The following FLNA variants were observed in gnomAD, a reference collection of about 807,000 sequenced individuals.
The protein encoded by FLNA is filamin-A.
A neutral mutation model predicts 157.6 loss-of-function variants in FLNA; 7 were observed. The ratio of observed to expected loss-of-function variants is 0.04; its 90% confidence interval spans 0.03 to 0.08. The LOEUF (loss-of-function observed/expected upper bound fraction) is 0.08, where lower values mean the gene tolerates loss of function less well. FLNA is among the 10% of genes least tolerant of loss of function. The pLI is 1.00. For missense variants in FLNA, 1,750 were observed against 2,398.4 expected, an observed-to-expected ratio of 0.73 and a Z score of 5.65; for synonymous variants, 1,103 against 1,060.8, an observed-to-expected ratio of 1.04 and a Z score of -0.77.
intron 1 of FLNA, 35 bp from the exon 2 acceptor site, chrX:154,371,396 A>C: frequency 8.0e-6 from 4 of 499,416 alleles, no homozygotes; most frequent in Non-Finnish European, 1.1e-5. Context: ...ATGCGGGAGG[A>C]GGGCGGGGCC....
At chrX:154,367,003 G>C (rs1345429733) in intron 5 of FLNA, among the ~76,000 whole-genome samples, 153 bp from the exon 6 acceptor site, 1 of 112,120 alleles carries the variant, frequency 8.9e-6, no homozygotes, top group Non-Finnish European at 1.9e-5. Context: ...GCCTGGCCTC[G>C]GGACCCAGCT....
rs1485434803 is a variant in FLNA at position 154,353,019 on chromosome X, T to C, written c.6208A>G (p.Ile2070Val). ...GHTFEPAEFI[I>V]DTRDAGYGGL... ...TGCCTACCTGCATCGCGGGTATCAATGATAAACTCTGCAGGCTCAAAGGTG... is the reference window on the plus strand; with the variant it reads ...TGCCTACCTGCATCGCGGGTATCAACGATAAACTCTGCAGGCTCAAAGGTG... Residue 2070 changes from isoleucine (I) to valine (V), a missense_variant, in exon 38 of 48, where the codon ATT (isoleucine) becomes GTT (valine). Ile to Val is a conservative substitution (Grantham distance 29, BLOSUM62 3). Transcript: ENST00000369850. The C allele has an allele frequency of 8.3e-6, 10 of 1,210,029 alleles. No homozygotes were observed. The highest frequency in any genetic ancestry group is 1.0e-5 in the Non-Finnish European group (9 of 895,120).
At position 154,365,181 on chromosome X, in the gene FLNA, G is replaced by A; in HGVS notation, c.1646C>T (p.Thr549Ile). 4.1e-6 allele frequency: 5 copies of A among 1,211,558 alleles called. No individual in the cohort carries two copies. Among genetic ancestry groups the A allele is most frequent in the Non-Finnish European group, 5.6e-6 (5 of 895,276 alleles). Residue 549 changes from threonine to isoleucine, a missense_variant, in exon 11 of 48, where the codon ACC (threonine) becomes ATC (isoleucine). Physicochemically the swap from Thr to Ile is moderately conservative, Grantham distance 89. This residue lies in a region of FLNA where 648 missense variants were observed against 805.8 expected (regional missense o/e 0.80). Coordinates refer to ENST00000369850, the MANE Select transcript of FLNA (RefSeq NM_001110556.2). ...GFEYYPMVPG[T>I]YIVTITWGGQ... ...ACCCCACGTGATGGTGACGATATAG[G>A]TTCCAGGGACCATGGGGTAATACTC...
chrX:154,366,688 A>G, intron 6 of FLNA, 44 bp downstream of exon 6: 1 of 1,200,329 alleles, frequency 8.3e-7, no homozygotes, highest in Non-Finnish European at 1.1e-6. Flanking sequence ...AGCCCCACTG[A>G]AAGGGAGCGC....
chrX:154,364,545 T>G lies in FLNA; in HGVS notation c.2003A>C (p.Gln668Pro). ...PFMADIRDAP[Q>P]DFHPDRVKAR... ...CTTTACCCTGTCTGGGTGGAAGTCC[T>G]GGGGCGCGTCACGGATGTCAGCCAT... Residue 668 changes from glutamine (Q) to proline (P), a missense_variant, in exon 13 of 48, where the codon CAG becomes CCG. Coordinates refer to ENST00000369850, the MANE Select transcript of FLNA (RefSeq NM_001110556.2). 5 of 1,209,893 alleles carry G rather than the reference T, an allele frequency of 4.1e-6. No homozygotes were observed. Among genetic ancestry groups the G allele is most frequent in the Non-Finnish European group, 4.5e-6 (4 of 895,252 alleles).
chrX:154,364,724 C>A lies in FLNA; in HGVS notation c.1829-5G>T, dbSNP rs782678069. The A allele has an allele frequency of 9.1e-6, 11 of 1,210,164 alleles. No homozygotes were observed. The South Asian group carries it at 1.9e-4, about 21-fold the overall frequency. Reference sequence around the variant, plus strand: ...ATGGCCCTTCCACCGAGAAGCCTGACAACAGCCACCAGTCCCCTCAGTGCC... The same window carrying A: ...ATGGCCCTTCCACCGAGAAGCCTGAAAACAGCCACCAGTCCCCTCAGTGCC... On this transcript the variant is annotated splice_polypyrimidine_tract_variant and splice_region_variant and intron_variant, in intron 12 of 47. Transcript: ENST00000369850.
In FLNA at chrX:154,349,415, C is replaced by T; in HGVS notation, c.7703G>A (p.Ser2568Asn). 8.2e-7 allele frequency: 1 copy of T among 1,212,122 alleles called. No individual in the cohort carries two copies. The highest frequency in any genetic ancestry group is 1.1e-6 in the Non-Finnish European group (1 of 895,575). The change falls in exon 47 of 48, where the codon AGC becomes AAC. Residue 2568 changes from serine to asparagine, a missense_variant. Physicochemically the swap from Ser to Asn is conservative, Grantham distance 46. Transcript: ENST00000369850. ...SKVVAKGLGL[S>N]KAYVGQKSSF... The stretch of plus-strand genomic sequence containing the variant: ...GCTCTTCTGGCCTACGTAGGCCTTG[C>T]TCAGCCCCAGGCCCTTGGCCACCAC...
At chrX:154,370,358 A>C (rs1473555118) in intron 2 of FLNA, among the ~76,000 whole-genome samples, 1 of 111,697 alleles carries the variant, frequency 9.0e-6, no homozygotes, top group Non-Finnish European at 1.9e-5. Flanking sequence ...TGGTGGTTGG[A>C]GCCATCTCCG....
chrX:154,368,853 C>A lies in FLNA; in HGVS notation c.374-763G>T, dbSNP rs2067782641. ...GGGTGGCAGCAGGAGACACTGGGAA[C>A]CCCCTTGCCACCCACTGCCTGACCC... On this transcript the variant is annotated intron_variant, in intron 2 of 47. Transcript: ENST00000369850. Among the ~76,000 whole-genome samples the A allele has an allele frequency of 2.7e-5, 3 of 112,912 alleles. No homozygotes were observed. The South Asian group carries it at 1.1e-3, about 40-fold the overall frequency.
At chrX:154,362,988 G>A (rs1452962485) in intron 15 of FLNA, among the ~76,000 whole-genome samples, 3 of 112,642 alleles carry the variant, frequency 2.7e-5, no homozygotes, top group Admixed American at 1.9e-4. Flanking sequence ...AAATGTCCAC[G>A]CAAACACCTG....
In FLNA at chrX:154,350,013, C is replaced by T. The variant is rs782717210; in HGVS notation, c.7333+18G>A. Reference sequence around the variant, plus strand: ...CTAGCAGCTGTGTGCACACGTGCAGCCGCACCGACAGACTTACCTGTGACA... The same window carrying T: ...CTAGCAGCTGTGTGCACACGTGCAGTCGCACCGACAGACTTACCTGTGACA... On this transcript the variant is annotated intron_variant, in intron 45 of 47. Coordinates refer to ENST00000369850, the MANE Select transcript of FLNA (RefSeq NM_001110556.2). 8 of 1,208,186 alleles carry T rather than the reference C, an allele frequency of 6.6e-6. No individual in the cohort carries two copies. In the East Asian group the frequency reaches 2.1e-4, roughly 31 times the overall value.
Position 154,360,312 on chromosome X carries a change from G to C in FLNA, c.3483C>G (p.Ser1161=). 2 of 1,211,823 alleles carry C rather than the reference G, an allele frequency of 1.7e-6. No individual in the cohort carries two copies. Among genetic ancestry groups the C allele is most frequent in the Non-Finnish European group, 2.2e-6 (2 of 895,670 alleles). Residue 1161 remains serine, a synonymous_variant, in exon 22 of 48, where the codon TCC becomes TCG. Coordinates refer to ENST00000369850, the MANE Select transcript of FLNA (RefSeq NM_001110556.2). ...KAHVVPCFDA[S]KVKCSGPGLE... ...GCCCGGGGCCTGAGCACTTGACTTTGGATGCGTCAAAGCAGGGAACCACGT... is the reference window on the plus strand; with the variant it reads ...GCCCGGGGCCTGAGCACTTGACTTTCGATGCGTCAAAGCAGGGAACCACGT...
rs782588986 is a variant in FLNA, at chrX:154,366,042, T to C, written c.1411A>G (p.Thr471Ala). Residue 471 changes from threonine to alanine, a missense_variant, in exon 9 of 48, where the codon ACT (threonine) becomes GCT (alanine). Thr to Ala is a moderately conservative substitution (Grantham distance 58). Coordinates refer to ENST00000369850, the MANE Select transcript of FLNA (RefSeq NM_001110556.2). Reference protein sequence around the residue: ...AGVPIPRSPYTVTVGQACNPS... With the variant: ...AGVPIPRSPYAVTVGQACNPS... ...GGCCTACCTTGGCCAACAGTGACAG[T>C]GTAGGGGCTGCGAGGGATGGGCACG... 9.1e-6 allele frequency: 11 copies of C among 1,205,096 alleles called. No individual in the cohort carries two copies. The highest frequency in any genetic ancestry group is 1.2e-5 in the Non-Finnish European group (11 of 892,997).
chrX:154,367,918 C>G lies in FLNA; in HGVS notation c.546G>C (p.Gln182His), dbSNP rs1557179648. The change falls in exon 3 of 48, where the codon CAG becomes CAC. Residue 182 changes from glutamine to histidine, a missense_variant. Physicochemically the swap from Gln to His is conservative, Grantham distance 24. Around this residue, in one of 5 missense-constraint regions of FLNA, gnomAD observed 71 missense variants for 239.5 expected, o/e 0.30. Coordinates refer to ENST00000369850, the MANE Select transcript of FLNA (RefSeq NM_001110556.2). Reference sequence around the variant, plus strand: ...CCCGGCTGAAGTTGGTGATGGGCAGCTGCGGCAGCTTGTTCTGGATCCAGC... The same window carrying G: ...CCCGGCTGAAGTTGGTGATGGGCAGGTGCGGCAGCTTGTTCTGGATCCAGC... ...LLGWIQNKLPQLPITNFSRDW... is the reference protein window; with the variant it reads ...LLGWIQNKLPHLPITNFSRDW... 3 of 1,211,394 alleles carry G rather than the reference C, an allele frequency of 2.5e-6. No homozygotes were observed. Among genetic ancestry groups the G allele is most frequent in the Non-Finnish European group, 2.2e-6 (2 of 895,476 alleles).
chrX:154,358,402 C>T (rs1557177266), intron 27 of FLNA, 43 bp downstream of exon 27: 1 of 1,209,620 alleles, frequency 8.3e-7, no homozygotes, highest in East Asian at 3.0e-5. Flanking sequence ...TCTCAGCATC[C>T]AGCCTGGGCC....
intron 15 of FLNA, 26 bp downstream of exon 15, chrX:154,363,996 C>T (rs781959095): frequency 2.5e-6 from 3 of 1,205,821 alleles, no homozygotes; most frequent in African/African-American, 1.7e-5. Flanking sequence ...TCGAGATGGA[C>T]TAAAGGCCGG....
At chrX:154,350,645 C>G in intron 44 of FLNA, 1 of 399,266 alleles carries the variant, frequency 2.5e-6, no homozygotes, top group Admixed American at 4.2e-5. Flanking sequence ...GGCTGAAGGG[C>G]CGGGCAGCAC....
At chrX:154,361,259 C>T (rs201462050) in intron 21 of FLNA, 49 bp downstream of exon 21, 1 of 1,168,315 alleles carries the variant, frequency 8.6e-7, no homozygotes, top group East Asian at 3.0e-5. Context: ...TTGGGGCCCT[C>T]AGAGAGCACA....
chrX:154,350,142 C>T lies in FLNA; in HGVS notation c.7222G>A (p.Gly2408Ser), dbSNP rs201168500. 2.4e-4 allele frequency: 287 copies of T among 1,210,104 alleles called. 1 individual carries two copies. The African/African-American group carries it at 4.4e-3, about 19-fold the overall frequency. ...GVYLIDVKFNGTHIPGSPFKI... is the reference protein window; with the variant it reads ...GVYLIDVKFNSTHIPGSPFKI... ...AAGGGGCTTCCAGGGATGTGGGTGC[C>T]GTTGAACTTGACGTCAATCAGGTAA... is the stretch of plus-strand genomic sequence containing the variant. Residue 2408 changes from glycine to serine, a missense_variant, in exon 45 of 48, where the codon GGC becomes AGC. Around this residue, in one of 5 missense-constraint regions of FLNA, gnomAD observed 970 missense variants for 1,302.6 expected, o/e 0.74. Transcript: ENST00000369850.
Sources: allele counts gnomAD v4.1 joint callset (sites outside exome capture counted in the v4.1 genomes callset), GRCh38; gene constraint gnomAD v4.1.1; regional missense constraint gnomAD v4.1.1; transcripts MANE v1.5; gene names NCBI Gene and HGNC (gene_info 2026-07-23, HGNC 2026-07-21).